Variants in NLGN1 observed in about 807,000 individuals in gnomAD.
NLGN1 encodes neuroligin-1.
Under a neutral mutation model 65.5 loss-of-function variants are expected in NLGN1, and 12 were observed. That is an observed-to-expected ratio of 0.18 (90% confidence interval 0.12 to 0.30). NLGN1 has a LOEUF of 0.30. Among genes scored for constraint, NLGN1 ranks in the 10% least tolerant of loss-of-function variants. NLGN1 has a pLI of 1.00. For synonymous variants in NLGN1, 350 were observed against 359.5 expected, an observed-to-expected ratio of 0.97 and a Z score of 0.30; for missense variants, 750 against 1,007.1, an observed-to-expected ratio of 0.74 and a Z score of 3.46.
At position 173,909,710 on chromosome 3, in the gene NLGN1, G is replaced by A. The variant is rs919981539; in HGVS notation, c.646+101878G>A. ...TATGTATTTTTTGAGATGGAGTCTT[G>A]CTCTTGTTGCCCAGGCTGGAGTGCA... On this transcript the variant is annotated intron_variant, in intron 4 of 6. Transcript: ENST00000457714. Among the ~76,000 whole-genome samples the A allele has an allele frequency of 5.9e-5, 9 of 152,060 alleles. No individual in the cohort carries two copies. The South Asian group carries it at 8.3e-4, about 14-fold the overall frequency.
At chr3:174,001,250 T>C (rs1310328248) in intron 4 of NLGN1, among the ~76,000 whole-genome samples, 1 of 152,058 alleles carries the variant, frequency 6.6e-6, no homozygotes, top group Non-Finnish European at 1.5e-5. Flanking sequence ...GTGTTGGGCT[T>C]GCAAGACAGA....
intron 4 of NLGN1, among the ~76,000 whole-genome samples, chr3:174,109,588 T>C (rs536488883): frequency 2.0e-4 from 31 of 152,206 alleles, no homozygotes; most frequent in African/African-American, 7.2e-4. Flanking sequence ...TTTTTCTCTA[T>C]ATCTGACCTT....
intron 3 of NLGN1, among the ~76,000 whole-genome samples, chr3:173,751,214 A>C (rs1776258093): frequency 6.6e-6 from 1 of 152,076 alleles, no homozygotes; most frequent in Non-Finnish European, 1.5e-5. Context: ...GTGCATAGAT[A>C]CACTATTTGC....
chr3:174,103,563 G>T (rs989287539), intron 4 of NLGN1, among the ~76,000 whole-genome samples: 2 of 151,990 alleles, frequency 1.3e-5, no homozygotes, highest in South Asian at 2.1e-4. Context: ...GAACTGACAG[G>T]TATTAATATG....
chr3:173,717,962 T>A lies in NLGN1; in HGVS notation c.494-89718T>A, dbSNP rs192988014. Among the ~76,000 whole-genome samples the A allele has an allele frequency of 1.6e-3, 243 of 152,250 alleles. 2 individuals are homozygous for A. Among genetic ancestry groups the A allele is most frequent in the African/African-American group, 5.7e-3 (235 of 41,554 alleles). On this transcript the variant is annotated intron_variant, in intron 3 of 6. Transcript: ENST00000457714. ...GTAAGAGTGTTACAAATTAGAACAT[T>A]TTCAAACATTTGAGAATGTTAGAAC...
chr3:174,084,729 A>G (rs183325727), intron 4 of NLGN1, among the ~76,000 whole-genome samples: 1 of 152,056 alleles, frequency 6.6e-6, no homozygotes, highest in South Asian at 2.1e-4. Context: ...TTCTTCCTGT[A>G]ATCTTTGTTC....
intron 4 of NLGN1, among the ~76,000 whole-genome samples, chr3:174,246,770 TACAC>T (rs1743870238): frequency 6.6e-6 from 1 of 151,806 alleles, no homozygotes; most frequent in Admixed American, 6.6e-5. Flanking sequence ...TTAGAGGAAA[TACAC>T]TCATGAATGA....
At chr3:173,731,630 A>G (rs1410674543) in intron 3 of NLGN1, among the ~76,000 whole-genome samples, 1 of 152,134 alleles carries the variant, frequency 6.6e-6, no homozygotes, top group Non-Finnish European at 1.5e-5. Flanking sequence ...GTTTTAAAAA[A>G]TTCAGGTTCC....
At chr3:173,606,488 G>A (rs1751429140) in intron 3 of NLGN1, among the ~76,000 whole-genome samples, 1 of 151,946 alleles carries the variant, frequency 6.6e-6, no homozygotes, top group African/African-American at 2.4e-5. Flanking sequence ...TCTTCATACA[G>A]AAGTCATATT....
At chr3:173,525,602 G>T (rs781226742) in intron 2 of NLGN1, among the ~76,000 whole-genome samples, 1 of 151,424 alleles carries the variant, frequency 6.6e-6, no homozygotes, top group African/African-American at 2.4e-5. Flanking sequence ...TCATTTAATT[G>T]TGCTCTGATC....
At chr3:173,645,198 C>G (rs973785727) in intron 3 of NLGN1, among the ~76,000 whole-genome samples, 20 of 152,204 alleles carry the variant, frequency 1.3e-4, no homozygotes, top group African/African-American at 4.6e-4. Flanking sequence ...GCTGAGCTGT[C>G]GCTTAAGAGA....
At chr3:174,082,246 T>G (rs1742389097) in intron 4 of NLGN1, among the ~76,000 whole-genome samples, 1 of 152,174 alleles carries the variant, frequency 6.6e-6, no homozygotes, top group Non-Finnish European at 1.5e-5. Context: ...TATACATATA[T>G]TCCCAATACT....
chr3:173,773,638 C>T (rs1056131102), intron 3 of NLGN1, among the ~76,000 whole-genome samples: 2 of 152,112 alleles, frequency 1.3e-5, no homozygotes, highest in African/African-American at 4.8e-5. Context: ...AAATTAAGTA[C>T]CTATTTGTGC....
At chr3:174,089,457 A>G (rs1744087050) in intron 4 of NLGN1, among the ~76,000 whole-genome samples, 1 of 152,214 alleles carries the variant, frequency 6.6e-6, no homozygotes, top group African/African-American at 2.4e-5. Flanking sequence ...CCACAAAAAC[A>G]GCAGCCTTCC....
chr3:173,779,553 T>C (rs1249511095), intron 3 of NLGN1, among the ~76,000 whole-genome samples: 1 of 152,106 alleles, frequency 6.6e-6, no homozygotes, highest in African/African-American at 2.4e-5. Flanking sequence ...ACCTCAGATA[T>C]AAAGATAAAG....
At chr3:173,552,711 G>A (rs987896945) in intron 2 of NLGN1, among the ~76,000 whole-genome samples, 1 of 152,118 alleles carries the variant, frequency 6.6e-6, no homozygotes, top group South Asian at 2.1e-4. Context: ...CCTGCAAACG[G>A]CATGAACTTC....
chr3:173,756,997 G>A (rs73050460), intron 3 of NLGN1, among the ~76,000 whole-genome samples: 3,582 of 151,910 alleles, frequency 0.024, 135 homozygotes, highest in African/African-American at 0.083. Context: ...CCAATGCTTC[G>A]GTGGCAACTA....
intron 2 of NLGN1, among the ~76,000 whole-genome samples, chr3:173,574,343 G>C (rs983800011): frequency 6.6e-6 from 1 of 151,804 alleles, no homozygotes. Context: ...GTGTAGCAGG[G>C]AGTAACCCAA....
chr3:173,427,685 T>C (rs758560842), intron 1 of NLGN1, among the ~76,000 whole-genome samples: 10 of 151,978 alleles, frequency 6.6e-5, no homozygotes, highest in Non-Finnish European at 8.8e-5. Context: ...ATACTTGATA[T>C]GATTTCTACT....
Sources: gnomAD v4.1 joint callset for allele counts (sites outside exome capture counted in the v4.1 genomes callset) on GRCh38, gnomAD v4.1.1 for gene constraint, MANE v1.5 for transcripts, NCBI Gene and HGNC (gene_info 2026-07-23, HGNC 2026-07-21) for gene names.